Variants in CLDN14 observed in about 807,000 individuals in gnomAD.
The protein encoded by CLDN14 is claudin 14.
Under a neutral mutation model 2.1 loss-of-function variants are expected in CLDN14, and 2 were observed. That is an observed-to-expected ratio of 0.96 (90% CI 0.39 to 3.01). The LOEUF is 3.01. CLDN14 is among the 30% of genes most tolerant of loss of function. The pLI is 0.09. For synonymous variants in CLDN14, 136 were observed against 154.4 expected (o/e 0.88, Z 0.88); for missense variants, 298 against 328.0 (o/e 0.91, Z 0.71).
chr21:36,502,560 C>T (rs2087100340), intron 2 of CLDN14, among the ~76,000 whole-genome samples: 1 of 152,238 alleles, frequency 6.6e-6, no homozygotes, highest in African/African-American at 2.4e-5. Flanking sequence ...GTAAACTTTA[C>T]AGCTACTGTT....
intron 1 of CLDN14, among the ~76,000 whole-genome samples, chr21:36,559,702 G>A (rs1477576739): frequency 1.3e-5 from 2 of 152,154 alleles, no homozygotes; most frequent in African/African-American, 4.8e-5. Context: ...TTAACAGAAA[G>A]TACAAATATG....
intron 1 of CLDN14, among the ~76,000 whole-genome samples, chr21:36,478,803 G>C (rs986131248): frequency 6.6e-6 from 1 of 152,212 alleles, no homozygotes; most frequent in African/African-American, 2.4e-5. Context: ...CACTAATCCT[G>C]GTTCCTTTTC....
At position 36,498,797 on chromosome 21, in the gene CLDN14, G is replaced by A. The variant is rs935770909; in HGVS notation, c.-82+11566C>T. Among the ~76,000 whole-genome samples the A allele has an allele frequency of 1.2e-4, 19 of 152,202 alleles. No homozygotes were observed. Among genetic ancestry groups the A allele is most frequent in the Non-Finnish European group, 1.9e-4 (13 of 68,046 alleles). ...GGTCTGGGCCCCACTGGCTGCGTCT[G>A]CCTGGACACCATCAGCCCTGCACGA... On this transcript the variant is annotated intron_variant, in intron 2 of 2. Coordinates refer to the CLDN14 transcript ENST00000342108. This position sits in a 1 kb window ranked among gnomAD's most constrained non-coding sequence, Gnocchi z 4.9.
At chr21:36,539,150 T>A (rs549999926) in intron 1 of CLDN14, among the ~76,000 whole-genome samples, 1 of 152,366 alleles carries the variant, frequency 6.6e-6, no homozygotes, top group African/African-American at 2.4e-5. Flanking sequence ...TCATTCATTT[T>A]AAAAATGTTT....
chr21:36,523,302 A>G (rs554399735), intron 1 of CLDN14, among the ~76,000 whole-genome samples: 11 of 152,334 alleles, frequency 7.2e-5, no homozygotes, highest in African/African-American at 2.6e-4. Context: ...ATACACATCA[A>G]TAGGGTGTAT....
At chr21:36,504,919 G>A (rs1427784169) in intron 2 of CLDN14, among the ~76,000 whole-genome samples, 1 of 152,208 alleles carries the variant, frequency 6.6e-6, no homozygotes, top group Non-Finnish European at 1.5e-5. Flanking sequence ...TGGGCTGATA[G>A]GACTGGGTCC....
intron 1 of CLDN14, among the ~76,000 whole-genome samples, chr21:36,465,264 T>C (rs1454494218): frequency 6.6e-6 from 1 of 152,144 alleles, no homozygotes; most frequent in African/African-American, 2.4e-5. Flanking sequence ...TAATTAAGTA[T>C]ACAGACCCTA....
intron 2 of CLDN14, among the ~76,000 whole-genome samples, chr21:36,493,274 G>A (rs1032534724): frequency 2.0e-5 from 3 of 152,136 alleles, no homozygotes; most frequent in Non-Finnish European, 1.5e-5. Flanking sequence ...GTCACCACAG[G>A]AGTCCTGAGC....
intron 1 of CLDN14, among the ~76,000 whole-genome samples, chr21:36,520,093 C>T (rs2087258836): frequency 6.6e-6 from 1 of 152,132 alleles, no homozygotes; most frequent in Non-Finnish European, 1.5e-5. Context: ...AGGGAGGATC[C>T]TTCCTTGCCC....
intron 1 of CLDN14, among the ~76,000 whole-genome samples, chr21:36,471,243 T>C (rs1284281508): frequency 6.6e-6 from 1 of 152,012 alleles, no homozygotes; most frequent in Non-Finnish European, 1.5e-5. Flanking sequence ...AACAAAGCCA[T>C]GGTTAGCTTC....
intron 1 of CLDN14, among the ~76,000 whole-genome samples, chr21:36,479,121 G>T (rs904636817): frequency 6.6e-6 from 1 of 152,130 alleles, no homozygotes; most frequent in African/African-American, 2.4e-5. Context: ...CAGACAGAAG[G>T]GGGCAGTGGC....
At chr21:36,570,103 C>T (rs1009786784) in intron 1 of CLDN14, among the ~76,000 whole-genome samples, 7 of 152,086 alleles carry the variant, frequency 4.6e-5, no homozygotes, top group Non-Finnish European at 7.3e-5. Context: ...GGGACAACTC[C>T]GGGGATGGCT....
At chr21:36,569,763 C>A (rs2057790574) in intron 1 of CLDN14, among the ~76,000 whole-genome samples, 1 of 152,158 alleles carries the variant, frequency 6.6e-6, no homozygotes, top group Admixed American at 6.5e-5. Context: ...GCCTCCCAAC[C>A]CAAGCATCAA....
intron 1 of CLDN14, among the ~76,000 whole-genome samples, chr21:36,558,034 T>G (rs1476192230): frequency 6.6e-6 from 1 of 152,222 alleles, no homozygotes; most frequent in Non-Finnish European, 1.5e-5. Flanking sequence ...TTGAAGAGAC[T>G]GTCCTTTCTC....
intron 1 of CLDN14, among the ~76,000 whole-genome samples, chr21:36,535,293 G>T (rs1202447734): frequency 6.6e-6 from 1 of 152,190 alleles, no homozygotes; most frequent in Non-Finnish European, 1.5e-5. Flanking sequence ...GGGAGGCTGA[G>T]GCACGAGAAT....
intron 2 of CLDN14, among the ~76,000 whole-genome samples, chr21:36,501,047 G>A (rs771321554): frequency 3.3e-5 from 5 of 152,232 alleles, no homozygotes; most frequent in South Asian, 2.1e-4. Flanking sequence ...CGGCTCAGCC[G>A]CAGGTCTTCT....
rs377019596 is a variant in CLDN14 at position 36,461,374 on chromosome 21, C to T, written c.322G>A (p.Ala108Thr). ...GTGGTCTTGGCGGGTGTGCCCTTGG[C>T]GCAGCGCGTGCACTTCATCCCGATG... is the stretch of plus-strand genomic sequence containing the variant. ...AVIGMKCTRC[A>T]KGTPAKTTFA... The change falls in exon 2 of 2, where the codon GCC becomes ACC. Residue 108 changes from alanine to threonine, a missense_variant. By Grantham distance (58) the Ala-to-Thr change is moderately conservative. Coordinates refer to ENST00000399135, the MANE Select transcript of CLDN14 (RefSeq NM_001146079.2). The T allele has an allele frequency of 2.2e-5, 36 of 1,612,804 alleles. No individual in the cohort carries two copies. The highest frequency in any genetic ancestry group is 2.9e-5 in the Non-Finnish European group (34 of 1,179,908).
At chr21:36,486,489 CA>C (rs1406377459) in intron 2 of CLDN14, 2 of 1,559,214 alleles carry the variant, frequency 1.3e-6, no homozygotes, top group African/African-American at 2.7e-5. Context: ...ACTCCAAATT[CA>C]AAGTCACTGG....
intron 1 of CLDN14, among the ~76,000 whole-genome samples, chr21:36,564,692 A>T (rs1203451643): frequency 6.6e-6 from 1 of 152,216 alleles, no homozygotes; most frequent in Non-Finnish European, 1.5e-5. Context: ...GTTATGTTAC[A>T]TGCAAGGGCA....
Sources: gnomAD v4.1 joint callset for allele counts (sites outside exome capture counted in the v4.1 genomes callset) on GRCh38, gnomAD v4.1.1 for gene constraint, Gnocchi (gnomAD v3.1) non-coding constraint, MANE v1.5 for transcripts, NCBI Gene and HGNC (gene_info 2026-07-23, HGNC 2026-07-21) for gene names.